Variants in SPRTN observed in about 807,000 individuals in gnomAD.
SPRTN encodes DNA-dependent metalloprotease SPRTN.
A neutral mutation model predicts 31.9 loss-of-function variants in SPRTN; 11 were observed. The ratio of observed to expected loss-of-function variants is 0.34; its 90% CI spans 0.22 to 0.57. The LOEUF (loss-of-function observed/expected upper bound fraction) is 0.57, where lower values mean the gene tolerates loss of function less well. Ranked by LOEUF, SPRTN falls within the 20% of genes least tolerant of loss-of-function variation. The probability of loss-of-function intolerance (pLI) is 0.86; values close to 1 mark genes in which losing one functional copy is unlikely to be tolerated. For synonymous variants in SPRTN, 185 were observed against 212.1 expected (o/e 0.87, Z 1.11); for missense variants, 482 against 590.1 (o/e 0.82, Z 1.90).
chr1:231,353,021 T>C lies in SPRTN; in HGVS notation c.1130T>C (p.Ile377Thr). ...SSQRRVSSSKISLRNSSKVTE... is the reference protein window; with the variant it reads ...SSQRRVSSSKTSLRNSSKVTE... ...CAGAGAAGGGTTTCATCTTCTAAGA[T>C]ATCCCTAAGAAATTCTTCAAAAGTA... The change falls in exon 5 of 5, where the codon ATA (isoleucine) becomes ACA (threonine). Residue 377 changes from isoleucine (I) to threonine (T), a missense_variant. By Grantham distance (89) the Ile-to-Thr change is moderately conservative. Coordinates refer to ENST00000295050, the MANE Select transcript of SPRTN (RefSeq NM_032018.7). 1 of 1,614,154 alleles carries C rather than the reference T, an allele frequency of 6.2e-7. No homozygotes were observed. Among genetic ancestry groups the C allele is most frequent in the Non-Finnish European group, 8.5e-7 (1 of 1,179,984 alleles).
chr1:231,339,281 C>A, intron 1 of SPRTN: 2 of 273,682 alleles, frequency 7.3e-6, no homozygotes, highest in Non-Finnish European at 1.4e-5. Flanking sequence ...TTTATACAGG[C>A]GTCTGTTATG....
chr1:231,353,240 A>G lies in SPRTN; in HGVS notation c.1349A>G (p.Gln450Arg). Residue 450 changes from glutamine (Q) to arginine (R), a missense_variant, in exon 5 of 5, where the codon CAG becomes CGG. Gln to Arg is a conservative substitution (Grantham distance 43, BLOSUM62 1). Transcript: ENST00000295050. ...TAQNSSSSSS[Q>R]SKMVNCPVCQ... Reference sequence around the variant, plus strand: ...CAGAATTCCAGCAGTTCATCCAGTCAGAGCAAAATGGTTAATTGCCCAGTT... The same window carrying G: ...CAGAATTCCAGCAGTTCATCCAGTCGGAGCAAAATGGTTAATTGCCCAGTT... 1 of 1,614,158 alleles carries G rather than the reference A, an allele frequency of 6.2e-7. No homozygotes were observed. Among genetic ancestry groups the G allele is most frequent in the South Asian group, 1.1e-5 (1 of 91,086 alleles).
chr1:231,345,445 A>G (rs1189021192), intron 2 of SPRTN, among the ~76,000 whole-genome samples: 1 of 152,152 alleles, frequency 6.6e-6, no homozygotes, highest in Non-Finnish European at 1.5e-5. Context: ...TTTTTCATTA[A>G]TACGCTCTAT....
In SPRTN at chr1:231,353,410, C is replaced by T. The variant is rs985872267; in HGVS notation, c.*49C>T. ...CCACCTGTATTATCTCACTAATGTGCTATGTCAGCCAGTCAGGAAGTTCTG... is the reference window on the plus strand; with the variant it reads ...CCACCTGTATTATCTCACTAATGTGTTATGTCAGCCAGTCAGGAAGTTCTG... On this transcript the variant is annotated 3_prime_UTR_variant, in exon 5 of 5. Transcript: ENST00000295050. The T allele has an allele frequency of 6.6e-7, 1 of 1,511,776 alleles. No homozygotes were observed. The highest frequency in any genetic ancestry group is 8.8e-7 in the Non-Finnish European group (1 of 1,139,648). 93.6% of individuals were successfully genotyped at this position (1,511,776 alleles called of 1,614,324 possible). A position where few individuals can be genotyped will look rare whatever the true frequency, so the allele number is the denominator to read the frequency against.
chr1:231,338,962 A>G (rs1028673363), intron 1 of SPRTN, among the ~76,000 whole-genome samples: 1 of 152,208 alleles, frequency 6.6e-6, no homozygotes, highest in African/African-American at 2.4e-5. Flanking sequence ...CACCTAAGAA[A>G]GTGCTGAGGA....
Position 231,353,781 on chromosome 1 carries a change from A to G in SPRTN, c.*420A>G, listed in dbSNP as rs536387073. The G allele has an allele frequency of 1.0e-6, 1 of 982,842 alleles. No individual in the cohort carries two copies. The highest frequency in any genetic ancestry group is 1.2e-6 in the Non-Finnish European group (1 of 827,068). The allele number at this position is 982,842 out of a possible 1,614,324, so 60.9% of individuals were successfully genotyped here. ...TCCCTGAACTGATGTAAATCTTCAT[A>G]GTGTCAGACATACTGACCAAAACCA... On this transcript the variant is annotated 3_prime_UTR_variant, in exon 5 of 5. Transcript: ENST00000295050.
intron 1 of SPRTN, 143 bp downstream of exon 1, chr1:231,338,747 C>T: frequency 2.3e-6 from 2 of 883,818 alleles, no homozygotes; most frequent in Non-Finnish European, 3.4e-6. Flanking sequence ...CTGGCAATTC[C>T]TGCCTCGGCG....
rs1441029564 is a variant in SPRTN at position 231,354,875 on chromosome 1, C to A, written c.*1514C>A. 2 of 363,882 alleles carry A rather than the reference C, an allele frequency of 5.5e-6. No homozygotes were observed. Among genetic ancestry groups the A allele is most frequent in the African/African-American group, 2.2e-5 (1 of 45,264 alleles). The allele number at this position is 363,882 out of a possible 1,614,324, so 22.5% of individuals were successfully genotyped here. ...AGCTTTAGTAAATTCTGCCAGTTTA[C>A]ACTCCTACCAGCAATGTATGAGAGT... On this transcript the variant is annotated 3_prime_UTR_variant, in exon 5 of 5. Coordinates refer to ENST00000295050, the MANE Select transcript of SPRTN (RefSeq NM_032018.7).
Position 231,353,065 on chromosome 1 carries a change from A to T in SPRTN, c.1174A>T (p.Met392Leu), listed in dbSNP as rs944057684. The T allele has an allele frequency of 6.2e-7, 1 of 1,614,188 alleles. No individual in the cohort carries two copies. ...SSKVTESASV[M>L]PSQDVSGSED... is the part of the protein sequence containing the mutation. The stretch of plus-strand genomic sequence containing the variant: ...AAAAGTAACGGAATCAGCATCTGTG[A>T]TGCCATCCCAGGATGTGAGTGGGTC... The change falls in exon 5 of 5, where the codon ATG (methionine) becomes TTG (leucine). Residue 392 changes from methionine to leucine, a missense_variant. Met to Leu is a conservative substitution (Grantham distance 15). Coordinates refer to ENST00000295050, the MANE Select transcript of SPRTN (RefSeq NM_032018.7).
chr1:231,343,129 A>G (rs1336616740), intron 2 of SPRTN, among the ~76,000 whole-genome samples: 1 of 152,152 alleles, frequency 6.6e-6, no homozygotes, highest in East Asian at 1.9e-4. Context: ...CATTCAGTAC[A>G]GTAACATCCT....
chr1:231,344,797 G>T, intron 2 of SPRTN: 1 of 260,656 alleles, frequency 3.8e-6, no homozygotes, highest in Non-Finnish European at 8.7e-6. Context: ...AATCTTAAAT[G>T]CTTTTGTTAA....
chr1:231,351,240 G>A (rs1687221259), intron 3 of SPRTN, 64 bp from the exon 4 acceptor site: 1 of 1,222,082 alleles, frequency 8.2e-7, no homozygotes, highest in Non-Finnish European at 1.1e-6. Flanking sequence ...GACTGCTTAT[G>A]TAAATTGTTT....
In SPRTN at chr1:231,351,567, T is replaced by A. The variant is rs1048750327; in HGVS notation, c.714T>A (p.Asn238Lys). The change falls in exon 4 of 5, where the codon AAT becomes AAA. Residue 238 changes from asparagine (N) to lysine (K), a missense_variant. By Grantham distance (94) the Asn-to-Lys change is moderately conservative (BLOSUM62 0). Transcript: ENST00000295050. ...AGGAACCAGTATTGGCCGCAGAGAA[T>A]AAAGGTACCTTCGTGTATATTCTTC... ...LGKEPVLAAE[N>K]KDKPNRGEAQ... is the part of the protein sequence containing the mutation. 3.7e-6 allele frequency: 6 copies of A among 1,613,608 alleles called. No individual in the cohort carries two copies. Among genetic ancestry groups the A allele is most frequent in the Admixed American group, 1.7e-5 (1 of 59,882 alleles).
intron 2 of SPRTN, among the ~76,000 whole-genome samples, chr1:231,345,930 C>T (rs1391819030): frequency 2.6e-5 from 4 of 152,044 alleles, no homozygotes; most frequent in East Asian, 1.9e-4. Context: ...CTCCCATCTC[C>T]GCCTCCTGAG....
At position 231,354,175 on chromosome 1, in the gene SPRTN, T is replaced by C. The variant is rs1048118397; in HGVS notation, c.*814T>C. The C allele has an allele frequency of 1.0e-6, 1 of 984,482 alleles. No homozygotes were observed. Among genetic ancestry groups the C allele is most frequent in the African/African-American group, 1.7e-5 (1 of 57,210 alleles). 61.0% of individuals were successfully genotyped at this position (984,482 alleles called of 1,614,324 possible). A position where few individuals can be genotyped will look rare whatever the true frequency, so the allele number is the denominator to read the frequency against. The stretch of plus-strand genomic sequence containing the variant: ...TAGTTGATGTAACAGTGGAAAGTTA[T>C]CTGGAAATAGTATTTTGAACTTTAA... On this transcript the variant is annotated 3_prime_UTR_variant, in exon 5 of 5. Transcript: ENST00000295050.
chr1:231,354,034 T>A lies in SPRTN; in HGVS notation c.*673T>A, dbSNP rs114272721. 3.2e-3 allele frequency: 3,109 copies of A among 963,436 alleles called. 70 individuals are homozygous for A. In the African/African-American group the frequency reaches 0.049, roughly 15 times the overall value. The allele number at this position is 963,436 out of a possible 1,614,324, so 59.7% of individuals were successfully genotyped here. On this transcript the variant is annotated 3_prime_UTR_variant, in exon 5 of 5. Coordinates refer to ENST00000295050, the MANE Select transcript of SPRTN (RefSeq NM_032018.7). The stretch of plus-strand genomic sequence containing the variant: ...TTTTAGTAACAAATAGCCACTATAA[T>A]TCTGTAGGCCAAATTTTATATTGAG...
At chr1:231,346,150 A>G (rs1571995597) in intron 2 of SPRTN, among the ~76,000 whole-genome samples, 1 of 139,228 alleles carries the variant, frequency 7.2e-6, no homozygotes, top group Non-Finnish European at 1.6e-5. Flanking sequence ...TTCTCTTTTT[A>G]TAAATAAAGT....
Position 231,347,793 on chromosome 1 carries a change from C to A in SPRTN, c.322-4C>A. 6.2e-7 allele frequency: 1 copy of A among 1,604,222 alleles called. No homozygotes were observed. Among genetic ancestry groups the A allele is most frequent in the South Asian group, 1.1e-5 (1 of 89,138 alleles). ...AAAACTAATTTGAATATTTTATGTT[C>A]CAGACCCTCCTGCATGAAATGATAC... On this transcript the variant is annotated splice_region_variant and splice_polypyrimidine_tract_variant and intron_variant, in intron 2 of 4. Transcript: ENST00000295050.
chr1:231,339,316 T>C (rs1244458335), intron 1 of SPRTN: 2 of 323,822 alleles, frequency 6.2e-6, no homozygotes, highest in African/African-American at 2.1e-5. Flanking sequence ...CTACTGGAGA[T>C]ATCTGCTTGT....
Sources: allele counts gnomAD v4.1 joint callset (sites outside exome capture counted in the v4.1 genomes callset), GRCh38; gene constraint gnomAD v4.1.1; transcripts MANE v1.5; gene names NCBI Gene and HGNC (gene_info 2026-07-23, HGNC 2026-07-21).